PTPRD: variants seen among roughly 807,000 people sequenced by gnomAD.
PTPRD encodes the protein protein tyrosine phosphatase receptor type D.
Under a neutral mutation model 214.5 loss-of-function variants are expected in PTPRD, and 34 were observed. The observed-to-expected ratio is 0.16, with a 90% CI of 0.12 to 0.21. The LOEUF is 0.21. Ranked by LOEUF, PTPRD falls within the 10% of genes least tolerant of loss-of-function variation. PTPRD has a pLI of 1.00. For synonymous variants in PTPRD, 1,128 were observed against 845.7 expected, an observed-to-expected ratio of 1.33 and a Z score of -5.79; for missense variants, 2,545 against 2,398.7, an observed-to-expected ratio of 1.06 and a Z score of -1.27.
chr9:8,833,987 T>C (rs1384562080), intron 11 of PTPRD, among the ~76,000 whole-genome samples: 2 of 151,320 alleles, frequency 1.3e-5, no homozygotes, highest in African/African-American at 4.8e-5. Context: ...AGACATTTAG[T>C]AGAATTCTAA....
intron 3 of PTPRD, among the ~76,000 whole-genome samples, chr9:10,088,386 T>C (rs1475211948): frequency 1.3e-5 from 2 of 151,906 alleles, no homozygotes; most frequent in Non-Finnish European, 1.5e-5. Flanking sequence ...TTCATGTCTA[T>C]GGACCCCAAG....
intron 7 of PTPRD, among the ~76,000 whole-genome samples, chr9:9,610,131 C>G (rs766097824): frequency 1.1e-4 from 16 of 152,010 alleles, no homozygotes; most frequent in Non-Finnish European, 1.2e-4. Context: ...CAGCTATAAA[C>G]CAGTAGAAAT....
intron 9 of PTPRD, among the ~76,000 whole-genome samples, chr9:9,261,575 G>T (rs1418106946): frequency 4.0e-5 from 6 of 151,746 alleles, no homozygotes; most frequent in African/African-American, 1.2e-4. Context: ...ATAAAATGGG[G>T]GAAGGGGTGG....
intron 9 of PTPRD, among the ~76,000 whole-genome samples, chr9:9,218,875 C>T (rs1357554152): frequency 7.2e-5 from 11 of 152,082 alleles, no homozygotes; most frequent in Admixed American, 6.6e-4. Context: ...ACTGCAACCT[C>T]CCTGGGGCAT....
At chr9:9,544,788 CTTTTG>C (rs1488347922) in intron 8 of PTPRD, among the ~76,000 whole-genome samples, 2 of 151,394 alleles carry the variant, frequency 1.3e-5, no homozygotes, top group Non-Finnish European at 3.0e-5. Context: ...TTATTTTATA[CTTTTG>C]TTTTAGATTT....
intron 8 of PTPRD, among the ~76,000 whole-genome samples, chr9:9,468,856 T>C (rs189710258): frequency 7.2e-5 from 11 of 152,154 alleles, no homozygotes; most frequent in Admixed American, 7.2e-4. Flanking sequence ...CAAGGCTTAG[T>C]GTGTCTATTT....
intron 3 of PTPRD, among the ~76,000 whole-genome samples, chr9:10,204,060 T>A (rs1460481958): frequency 6.6e-6 from 1 of 152,148 alleles, no homozygotes; most frequent in Non-Finnish European, 1.5e-5. Flanking sequence ...TGTTTTCCAA[T>A]CTACCAGCTT....
intron 7 of PTPRD, among the ~76,000 whole-genome samples, chr9:9,633,833 T>C (rs926764254): frequency 1.3e-5 from 2 of 152,156 alleles, no homozygotes; most frequent in Non-Finnish European, 2.9e-5. Context: ...TAATGTGTTG[T>C]CTTTTCCAGT....
At chr9:8,463,875 T>C (rs140731630) in intron 32 of PTPRD, among the ~76,000 whole-genome samples, 15 of 152,020 alleles carry the variant, frequency 9.9e-5, no homozygotes, top group African/African-American at 3.6e-4. Context: ...AAAGGCTTTA[T>C]TACTGCAAAA....
At chr9:9,250,450 C>T (rs531056501) in intron 9 of PTPRD, among the ~76,000 whole-genome samples, 179 of 152,172 alleles carry the variant, frequency 1.2e-3, no homozygotes, top group African/African-American at 3.8e-3. Flanking sequence ...TTAGGTGAGA[C>T]AAGGAATGCA....
rs143811827 is a variant in PTPRD, at chr9:10,398,399, C to CTATA, written c.-599-57386_-599-57383dup. On this transcript the variant is annotated intron_variant, in intron 2 of 45. Transcript: ENST00000381196. ...TATCTATATCTATATCTACCTATATCTATATATATATTTGTATAACTGTAT... is the reference window on the plus strand; with the variant it reads ...TATCTATATCTATATCTACCTATATCTATATATATATATATTTGTATAACTGTAT... Among the ~76,000 whole-genome samples the CTATA allele has an allele frequency of 2.6e-5, 4 of 151,562 alleles. No homozygotes were observed. In the South Asian group the frequency reaches 8.3e-4, roughly 32 times the overall value.
chr9:10,536,988 C>A (rs2057958509), intron 2 of PTPRD, among the ~76,000 whole-genome samples: 1 of 152,114 alleles, frequency 6.6e-6, no homozygotes, highest in South Asian at 2.1e-4. Context: ...AGCTCCTTTT[C>A]CTTCTGGGGA....
At chr9:8,353,937 C>CAT (rs59488682) in intron 39 of PTPRD, among the ~76,000 whole-genome samples, 980 of 61,288 alleles carry the variant, frequency 0.016, 74 homozygotes, top group African/African-American at 0.035. Context: ...TGTGTGTGTA[C>CAT]ATATATATAT....
chr9:10,536,874 T>C (rs1165304952), intron 2 of PTPRD, among the ~76,000 whole-genome samples: 1 of 152,192 alleles, frequency 6.6e-6, no homozygotes, highest in East Asian at 1.9e-4. Flanking sequence ...TTAAATCTAA[T>C]TAGTAATTGG....
chr9:8,586,525 G>C (rs1478105743), intron 14 of PTPRD, among the ~76,000 whole-genome samples: 1 of 152,048 alleles, frequency 6.6e-6, no homozygotes, highest in Non-Finnish European at 1.5e-5. Flanking sequence ...ATCAAAAAAA[G>C]GGAACCTAAC....
At chr9:9,633,636 C>A (rs2095662875) in intron 7 of PTPRD, among the ~76,000 whole-genome samples, 1 of 152,072 alleles carries the variant, frequency 6.6e-6, no homozygotes, top group Non-Finnish European at 1.5e-5. Context: ...TCTTATTATT[C>A]ATGTTCGAAG....
At chr9:8,732,066 A>C (rs751286271) in intron 12 of PTPRD, among the ~76,000 whole-genome samples, 10 of 152,242 alleles carry the variant, frequency 6.6e-5, no homozygotes, top group Non-Finnish European at 1.2e-4. Flanking sequence ...ACTACACAGC[A>C]TAAGAAGTGT....
intron 3 of PTPRD, among the ~76,000 whole-genome samples, chr9:10,205,581 G>A (rs1070130): frequency 0.15 from 22,530 of 151,422 alleles, 2,000 homozygotes; most frequent in East Asian, 0.4. Flanking sequence ...AATTTTTTAT[G>A]TGTTTAGTAA....
intron 8 of PTPRD, among the ~76,000 whole-genome samples, chr9:9,574,068 C>T (rs2087527264): frequency 1.3e-5 from 2 of 151,644 alleles, no homozygotes; most frequent in Admixed American, 1.3e-4. Flanking sequence ...AACAGATAAA[C>T]TCTGAAAGTT....
Sources: gnomAD v4.1 joint callset for allele counts (sites outside exome capture counted in the v4.1 genomes callset) on GRCh38, gnomAD v4.1.1 for gene constraint, MANE v1.5 for transcripts, NCBI Gene and HGNC (gene_info 2026-07-23, HGNC 2026-07-21) for gene names.